The following DTNA variants were observed in gnomAD, a reference collection of about 807,000 sequenced individuals.
The protein encoded by DTNA is dystrophin-related protein 3.
In DTNA, 43 loss-of-function variants were observed where a neutral mutation model predicts 100.7. That is an observed-to-expected ratio of 0.43 (90% CI 0.33 to 0.55). DTNA has a LOEUF of 0.55. Among genes scored for constraint, DTNA ranks in the 20% least tolerant of loss-of-function variants. The pLI is 0.04. For missense variants in DTNA, 798 were observed against 953.9 expected, an observed-to-expected ratio of 0.84 and a Z score of 2.15; for synonymous variants, 349 against 347.9, an observed-to-expected ratio of 1.00 and a Z score of -0.04.
intron 1 of DTNA, among the ~76,000 whole-genome samples, chr18:34,732,683 T>G (rs2088583951): frequency 6.6e-6 from 1 of 152,272 alleles, no homozygotes; most frequent in Middle Eastern, 3.4e-3. Flanking sequence ...GCAAAGAAAA[T>G]TAAATCACAC....
At chr18:34,575,616 C>T (rs1167992097) in intron 1 of DTNA, among the ~76,000 whole-genome samples, 1 of 152,122 alleles carries the variant, frequency 6.6e-6, no homozygotes, top group African/African-American at 2.4e-5. Context: ...TTCCATTTCC[C>T]TAAAGTTTGG....
chr18:34,799,508 A>G (rs1418127838), intron 4 of DTNA, among the ~76,000 whole-genome samples: 1 of 152,228 alleles, frequency 6.6e-6, no homozygotes, highest in Non-Finnish European at 1.5e-5. Flanking sequence ...AAAAAAGAGA[A>G]GAGTTATAAA....
chr18:34,768,007 T>C (rs1476689610), intron 3 of DTNA, among the ~76,000 whole-genome samples: 1 of 152,176 alleles, frequency 6.6e-6, no homozygotes, highest in African/African-American at 2.4e-5. Flanking sequence ...CTGCTTGCGA[T>C]AGGGGCCAAG....
intron 1 of DTNA, among the ~76,000 whole-genome samples, chr18:34,583,646 G>A (rs1269872289): frequency 6.6e-6 from 1 of 151,512 alleles, no homozygotes; most frequent in Non-Finnish European, 1.5e-5. Flanking sequence ...GCTAAACAGA[G>A]ATGTAGAAAC....
chr18:34,733,760 C>T (rs1601056897), intron 1 of DTNA, among the ~76,000 whole-genome samples: 1 of 152,300 alleles, frequency 6.6e-6, no homozygotes, highest in East Asian at 1.9e-4. Context: ...ATCCCAATCT[C>T]CCTAAGCCTT....
At chr18:34,865,178 A>G (rs962398142) in intron 17 of DTNA, among the ~76,000 whole-genome samples, 1 of 152,228 alleles carries the variant, frequency 6.6e-6, no homozygotes, top group Non-Finnish European at 1.5e-5. Context: ...GGGTCTCCCA[A>G]CTTTCAGTCC....
chr18:34,741,904 A>T (rs2090720987), intron 1 of DTNA, among the ~76,000 whole-genome samples: 1 of 152,216 alleles, frequency 6.6e-6, no homozygotes, highest in Admixed American at 6.5e-5. Flanking sequence ...GACTGACGTG[A>T]GTTCAAATTT....
At chr18:34,698,008 A>G (rs557001789) in intron 1 of DTNA, among the ~76,000 whole-genome samples, 1 of 152,192 alleles carries the variant, frequency 6.6e-6, no homozygotes, top group Non-Finnish European at 1.5e-5. Flanking sequence ...TTGATTCATC[A>G]TTCCCTTGAC....
At position 34,888,775 on chromosome 18, in the gene DTNA, G is replaced by A. The variant is rs373595039; in HGVS notation, c.*1041G>A. Reference sequence around the variant, plus strand: ...AAGCATGTCTTTAACAGCACCGCTCGTTCACAAGTTCCCCCATCAAGTTGT... The same window carrying A: ...AAGCATGTCTTTAACAGCACCGCTCATTCACAAGTTCCCCCATCAAGTTGT... On this transcript the variant is annotated 3_prime_UTR_variant, in exon 23 of 23. Coordinates refer to ENST00000444659, the MANE Select transcript of DTNA (RefSeq NM_001386795.1). The A allele has an allele frequency of 1.0e-4, 100 of 985,834 alleles. 1 individual carries two copies. The highest frequency in any genetic ancestry group is 4.9e-4 in the Admixed American group (8 of 16,286). 61.1% of individuals were successfully genotyped at this position (985,834 alleles called of 1,614,324 possible).
At chr18:34,624,605 A>T (rs2057048471) in intron 1 of DTNA, among the ~76,000 whole-genome samples, 1 of 152,262 alleles carries the variant, frequency 6.6e-6, no homozygotes, top group African/African-American at 2.4e-5. Context: ...GGCTACTGAG[A>T]AGGCTGATAT....
At chr18:34,779,129 AC>A (rs1290203065) in intron 3 of DTNA, among the ~76,000 whole-genome samples, 13 of 152,362 alleles carry the variant, frequency 8.5e-5, no homozygotes, top group African/African-American at 2.6e-4. Flanking sequence ...ACAGAAAAAA[AC>A]ATTCATGTAG....
At chr18:34,632,946 T>C (rs1196695850) in intron 1 of DTNA, among the ~76,000 whole-genome samples, 1 of 152,152 alleles carries the variant, frequency 6.6e-6, no homozygotes, top group Non-Finnish European at 1.5e-5. Flanking sequence ...GGTGCTATTA[T>C]TATCCCTATT....
chr18:34,692,399 A>G (rs2079902149), intron 1 of DTNA, among the ~76,000 whole-genome samples: 1 of 152,198 alleles, frequency 6.6e-6, no homozygotes, highest in South Asian at 2.1e-4. Context: ...CGAGAAAAAA[A>G]ACTAGGGTTC....
intron 17 of DTNA, chr18:34,867,648 C>T (rs1260396345): frequency 4.6e-5 from 46 of 991,876 alleles, no homozygotes; most frequent in Non-Finnish European, 5.3e-5. Flanking sequence ...ATCATCCTGT[C>T]GTCATCAGCC....
intron 1 of DTNA, among the ~76,000 whole-genome samples, chr18:34,640,755 A>G (rs1335436249): frequency 1.3e-5 from 2 of 152,174 alleles, no homozygotes; most frequent in Non-Finnish European, 2.9e-5. Flanking sequence ...TGAAGTTTAT[A>G]TTCCTTCCAG....
At chr18:34,884,628 G>A in intron 21 of DTNA, 100 bp from the exon 22 acceptor site, 2 of 1,249,408 alleles carry the variant, frequency 1.6e-6, no homozygotes, top group Non-Finnish European at 2.4e-6. Flanking sequence ...CTCTCTCTCT[G>A]TGTCTTTGTG....
chr18:34,588,733 A>G (rs1400479060), intron 1 of DTNA, among the ~76,000 whole-genome samples: 1 of 149,906 alleles, frequency 6.7e-6, no homozygotes. Flanking sequence ...AAATAATGTC[A>G]TTACAGAAAA....
intron 2 of DTNA, among the ~76,000 whole-genome samples, chr18:34,759,545 A>G (rs2093001407): frequency 6.6e-6 from 1 of 152,230 alleles, no homozygotes; most frequent in Admixed American, 6.5e-5. Flanking sequence ...CACTTTGAGA[A>G]CATTGAAGGC....
At chr18:34,882,889 T>G (rs1428071696) in intron 21 of DTNA, among the ~76,000 whole-genome samples, 2 of 152,180 alleles carry the variant, frequency 1.3e-5, no homozygotes, top group African/African-American at 4.8e-5. Context: ...TTATTTGCCC[T>G]CAGTCTTCCT....
Sources: gnomAD v4.1 joint callset for allele counts (sites outside exome capture counted in the v4.1 genomes callset) on GRCh38, gnomAD v4.1.1 for gene constraint, MANE v1.5 for transcripts, NCBI Gene and HGNC (gene_info 2026-07-23, HGNC 2026-07-21) for gene names.